Variants in HNMT observed in about 807,000 individuals in gnomAD.
The protein encoded by HNMT is histamine N-methyltransferase.
HNMT carries 30 observed loss-of-function variants against 32.1 expected under a neutral mutation model. That is an observed-to-expected ratio of 0.93 (90% CI 0.70 to 1.27). The LOEUF (loss-of-function observed/expected upper bound fraction) is 1.27, where lower values mean the gene tolerates loss of function less well. Among genes scored for constraint, HNMT ranks in the 50% most tolerant of loss-of-function variants. The pLI is 0.00. For synonymous variants in HNMT, 125 were observed against 119.0 expected, an observed-to-expected ratio of 1.05 and a Z score of -0.33; for missense variants, 327 against 346.0, an observed-to-expected ratio of 0.95 and a Z score of 0.43.
chr2:137,992,232 GC>G (rs2104959024), intron 2 of HNMT, among the ~76,000 whole-genome samples: 1 of 152,318 alleles, frequency 6.6e-6, no homozygotes, highest in East Asian at 1.9e-4. Context: ...ACTGGGTGTG[GC>G]TGCCTGCTGT....
Position 138,000,982 on chromosome 2 carries a change from T to C in HNMT, c.255T>C (p.Asn85=). 6.2e-7 allele frequency: 1 copy of C among 1,609,114 alleles called. No homozygotes were observed. The highest frequency in any genetic ancestry group is 1.1e-5 in the South Asian group (1 of 90,060). Residue 85 remains asparagine (N), a synonymous_variant, in exon 3 of 6, where the codon AAT becomes AAC. Coordinates refer to ENST00000280097, the MANE Select transcript of HNMT (RefSeq NM_006895.3). ...QAQYPGVCIN[N]EVVEPSAEQI... ...AATACCCAGGAGTTTGTATCAACAA[T>C]GAAGTTGTTGAGCCAAGTGCTGAAC...
rs56962415 is a variant in HNMT at position 138,001,162 on chromosome 2, C to A, written c.298+137C>A. On this transcript the variant is annotated intron_variant, in intron 3 of 5. Transcript: ENST00000280097. ...TATTGGGAGAAGAACTGAATTAGTTCTTGGCAGGCATGACTAAACATCTCA... is the reference window on the plus strand; with the variant it reads ...TATTGGGAGAAGAACTGAATTAGTTATTGGCAGGCATGACTAAACATCTCA... The A allele has an allele frequency of 3.8e-3, 1,919 of 507,764 alleles. 36 individuals are homozygous for A. The highest frequency in any genetic ancestry group is 0.035 in the African/African-American group (1,774 of 50,412). The allele number at this position is 507,764 out of a possible 1,614,324, so 31.5% of individuals were successfully genotyped here. A position where few individuals can be genotyped will look rare whatever the true frequency, so the allele number is the denominator to read the frequency against.
At chr2:138,010,441 GCACACACACACACACA>G (rs56391028) in intron 5 of HNMT, among the ~76,000 whole-genome samples, 12 of 125,586 alleles carry the variant, frequency 9.6e-5, no homozygotes, top group African/African-American at 3.4e-4. Flanking sequence ...AAAGACACAC[GCACACACACACACACA>G]CACACACACA....
At chr2:137,980,199 CTAATTTTTAAATATTTTTTAGTAG>C (rs528134105) in intron 2 of HNMT, among the ~76,000 whole-genome samples, 50 of 152,216 alleles carry the variant, frequency 3.3e-4, no homozygotes, top group Admixed American at 1.4e-3. Context: ...CCACACCCAG[CTAATTTTTAAATATTTTTTAGTAG>C]AGACGGGGTT....
At chr2:137,990,457 T>C (rs1434269810) in intron 2 of HNMT, among the ~76,000 whole-genome samples, 2 of 152,320 alleles carry the variant, frequency 1.3e-5, no homozygotes, top group Non-Finnish European at 2.9e-5. Flanking sequence ...TCTATTCTTT[T>C]GCCATTACCA....
chr2:138,013,772 C>T lies in HNMT; in HGVS notation c.524-3C>T, dbSNP rs779145981. The stretch of plus-strand genomic sequence containing the variant: ...AAAGCATGACTTGTGTTTTATTGCA[C>T]AGGAAGCAGTGGCTGGGACAAGCTG... On this transcript the variant is annotated splice_region_variant and splice_polypyrimidine_tract_variant and intron_variant, in intron 5 of 5. Coordinates refer to ENST00000280097, the MANE Select transcript of HNMT (RefSeq NM_006895.3). 7 of 1,606,394 alleles carry T rather than the reference C, an allele frequency of 4.4e-6. No individual in the cohort carries two copies. In the African/African-American group the frequency reaches 9.4e-5, roughly 22 times the overall value.
chr2:138,002,219 T>C (rs1177860462), intron 4 of HNMT, 25 bp downstream of exon 4: 2 of 1,400,290 alleles, frequency 1.4e-6, no homozygotes, highest in South Asian at 1.5e-5. Flanking sequence ...TTATAATATA[T>C]ACTCAGAAAG....
At position 138,014,195 on chromosome 2, in the gene HNMT, C is replaced by T; in HGVS notation, c.*65C>T. 1 of 1,060,866 alleles carries T rather than the reference C, an allele frequency of 9.4e-7. No individual in the cohort carries two copies. The highest frequency in any genetic ancestry group is 1.4e-6 in the Non-Finnish European group (1 of 732,494). The allele number at this position is 1,060,866 out of a possible 1,614,324, so 65.7% of individuals were successfully genotyped here. Reference sequence around the variant, plus strand: ...ACAACTCGAATCACTCATTTATTTCCATATTAAAATCACAAACTCATCCAT... The same window carrying T: ...ACAACTCGAATCACTCATTTATTTCTATATTAAAATCACAAACTCATCCAT... On this transcript the variant is annotated 3_prime_UTR_variant, in exon 6 of 6. Transcript: ENST00000280097.
intron 2 of HNMT, among the ~76,000 whole-genome samples, chr2:137,994,786 C>A (rs1185068251): frequency 1.3e-5 from 2 of 152,178 alleles, no homozygotes; most frequent in Admixed American, 1.3e-4. Flanking sequence ...CACTCCTTAG[C>A]AAATGCAAAA....
At chr2:138,005,276 T>A in intron 5 of HNMT, 51 bp downstream of exon 5, 1 of 938,572 alleles carries the variant, frequency 1.1e-6, no homozygotes, top group Admixed American at 1.8e-5. Flanking sequence ...AATACACGTA[T>A]GCATGGATTC....
chr2:137,970,933 A>AAAAAG (rs1424481237), intron 2 of HNMT, among the ~76,000 whole-genome samples: 3 of 86,686 alleles, frequency 3.5e-5, no homozygotes, highest in African/African-American at 1.3e-4. Flanking sequence ...AAAAAAAAAA[A>AAAAAG]AAAGAAAGAA....
Position 138,002,746 on chromosome 2 carries a change from C to A in HNMT, c.429+552C>A, listed in dbSNP as rs915011565. 5.3e-6 allele frequency: 5 copies of A among 942,276 alleles called. No individual in the cohort carries two copies. The South Asian group carries it at 2.5e-4, about 46-fold the overall frequency. 58.4% of individuals were successfully genotyped at this position (942,276 alleles called of 1,614,324 possible). ...ACAGGTGTGAGCCACTGCACCCAGT[C>A]TTTAATTTATTTTTATATCATTGGA... On this transcript the variant is annotated intron_variant, in intron 4 of 5. Coordinates refer to ENST00000280097, the MANE Select transcript of HNMT (RefSeq NM_006895.3).
At chr2:137,975,428 A>C (rs942914453) in intron 2 of HNMT, among the ~76,000 whole-genome samples, 1 of 152,136 alleles carries the variant, frequency 6.6e-6, no homozygotes, top group Admixed American at 6.6e-5. Context: ...CATTGCACCT[A>C]TCTGTTTAGG....
chr2:138,013,722 C>A, intron 5 of HNMT, 53 bp from the exon 6 acceptor site: 1 of 1,402,920 alleles, frequency 7.1e-7, no homozygotes, highest in Non-Finnish European at 9.9e-7. Flanking sequence ...TTCTGGCAGA[C>A]TGCAAATGAA....
chr2:138,014,175 T>A lies in HNMT; in HGVS notation c.*45T>A. On this transcript the variant is annotated 3_prime_UTR_variant, in exon 6 of 6. Transcript: ENST00000280097. ...ATTCAAAAATTATATTTTGAACAAC[T>A]CGAATCACTCATTTATTTCCATATT... 1.7e-6 allele frequency: 2 copies of A among 1,159,428 alleles called. No individual in the cohort carries two copies. Among genetic ancestry groups the A allele is most frequent in the Non-Finnish European group, 2.5e-6 (2 of 810,864 alleles). The allele number at this position is 1,159,428 out of a possible 1,614,324, so 71.8% of individuals were successfully genotyped here.
intron 5 of HNMT, among the ~76,000 whole-genome samples, chr2:138,012,744 C>T (rs1239469549): frequency 2.0e-5 from 3 of 152,106 alleles, no homozygotes; most frequent in Non-Finnish European, 4.4e-5. Flanking sequence ...CTCAGGCGCC[C>T]TCACAGAAAT....
chr2:138,002,270 C>A (rs966197759), intron 4 of HNMT, 76 bp downstream of exon 4: 1 of 1,127,782 alleles, frequency 8.9e-7, no homozygotes, highest in South Asian at 3.3e-5. Context: ...ATCTACTATT[C>A]TAATTTTTAA....
At chr2:137,997,484 T>C (rs3100721) in intron 2 of HNMT, among the ~76,000 whole-genome samples, 64,200 of 152,054 alleles carry the variant, frequency 0.42, 13,836 homozygotes, top group South Asian at 0.47. Context: ...TACCATCTCA[T>C]GCCAGTCAGA....
rs887956363 is a variant in HNMT at position 138,015,061 on chromosome 2, G to A, written c.*931G>A. On this transcript the variant is annotated 3_prime_UTR_variant, in exon 6 of 6. Coordinates refer to ENST00000280097, the MANE Select transcript of HNMT (RefSeq NM_006895.3). ...TTTCTAGGAATTGGGTAAATGCAAG[G>A]TTCTAGAAAACCTTCAATGCATTTT... 3.9e-5 allele frequency: 6 copies of A among 151,980 alleles called. No homozygotes were observed. The highest frequency in any genetic ancestry group is 3.4e-3 in the Middle Eastern group (1 of 294). 9.4% of individuals were successfully genotyped at this position (151,980 alleles called of 1,614,324 possible). A position where few individuals can be genotyped will look rare whatever the true frequency, so the allele number is the denominator to read the frequency against.
Sources: gnomAD v4.1 joint callset for allele counts (sites outside exome capture counted in the v4.1 genomes callset) on GRCh38, gnomAD v4.1.1 for gene constraint, MANE v1.5 for transcripts, NCBI Gene and HGNC (gene_info 2026-07-23, HGNC 2026-07-21) for gene names.